ATXN7L1: variants seen among roughly 807,000 people sequenced by gnomAD.
The protein encoded by ATXN7L1 is ataxin 7 like 1.
In ATXN7L1, 15 loss-of-function variants were observed where a neutral mutation model predicts 70.8. The ratio of observed to expected loss-of-function variants is 0.21; its 90% CI spans 0.14 to 0.33. The LOEUF (loss-of-function observed/expected upper bound fraction) is 0.33, where lower values mean the gene tolerates loss of function less well. Ranked by LOEUF, ATXN7L1 falls within the 10% of genes least tolerant of loss-of-function variation. The pLI is 1.00. For missense variants in ATXN7L1, 975 were observed against 1,097.1 expected (o/e 0.89, Z 1.57); for synonymous variants, 440 against 445.1 (o/e 0.99, Z 0.14).
chr7:105,870,274 T>G (rs1050533632), intron 2 of ATXN7L1, among the ~76,000 whole-genome samples: 12 of 65,016 alleles, frequency 1.8e-4, no homozygotes, highest in Non-Finnish European at 3.5e-4. Flanking sequence ...AGAGGGAGAC[T>G]CCATTTCAAA....
At chr7:105,613,363 G>A (rs1214040440) in intron 10 of ATXN7L1, 8 of 406,008 alleles carry the variant, frequency 2.0e-5, no homozygotes, top group Non-Finnish European at 2.7e-5. Flanking sequence ...ACAATCACCC[G>A]GGAGCCGGGC....
At chr7:105,720,761 T>C in intron 3 of ATXN7L1, among the ~76,000 whole-genome samples, 1 of 152,126 alleles carries the variant, frequency 6.6e-6, no homozygotes, top group Non-Finnish European at 1.5e-5. Flanking sequence ...TGAGCCACTG[T>C]GCCTGGCTCC....
intron 3 of ATXN7L1, chr7:105,761,488 G>A (rs894493499): frequency 6.2e-7 from 1 of 1,613,436 alleles, no homozygotes; most frequent in Admixed American, 1.7e-5. Flanking sequence ...TGCTTTGTTG[G>A]CATTTGCTGA....
chr7:105,693,583 C>G (rs144574877), intron 3 of ATXN7L1, among the ~76,000 whole-genome samples: 1 of 33,146 alleles, frequency 3.0e-5, no homozygotes, highest in Non-Finnish European at 6.4e-5. Flanking sequence ...ATCCATCCAT[C>G]TAATTTGAAG....
chr7:105,743,579 TA>T (rs61241734), intron 3 of ATXN7L1, among the ~76,000 whole-genome samples: 37,625 of 152,074 alleles, frequency 0.25, 4,920 homozygotes, highest in East Asian at 0.32. Flanking sequence ...AGAAAGCAGA[TA>T]TGATCGCTTT....
At chr7:105,621,646 C>G (rs1470430839) in intron 8 of ATXN7L1, among the ~76,000 whole-genome samples, 1 of 152,188 alleles carries the variant, frequency 6.6e-6, no homozygotes, top group Non-Finnish European at 1.5e-5. Context: ...GACAGAAATG[C>G]AAGAAGCAGC....
intron 2 of ATXN7L1, among the ~76,000 whole-genome samples, chr7:105,859,259 T>C (rs1336300370): frequency 6.6e-6 from 1 of 152,170 alleles, no homozygotes; most frequent in Admixed American, 6.5e-5. Context: ...TACATATTTA[T>C]GTATGATGAG....
chr7:105,620,423 T>A, intron 8 of ATXN7L1, 102 bp from the exon 9 acceptor site: 1 of 1,276,394 alleles, frequency 7.8e-7, no homozygotes, highest in Non-Finnish European at 1.0e-6. Context: ...AAGGGCACAG[T>A]TTTACTCAAA....
At chr7:105,630,175 A>AT (rs1796380353) in intron 7 of ATXN7L1, among the ~76,000 whole-genome samples, 1 of 152,202 alleles carries the variant, frequency 6.6e-6, no homozygotes, top group Non-Finnish European at 1.5e-5. Context: ...GGTTGTTTCC[A>AT]TATCTTGGCC....
chr7:105,711,130 T>G (rs534251925), intron 3 of ATXN7L1, among the ~76,000 whole-genome samples: 18 of 152,122 alleles, frequency 1.2e-4, no homozygotes, highest in African/African-American at 4.3e-4. Flanking sequence ...AAGGTGAGAT[T>G]TGGGTGGGGA....
intron 3 of ATXN7L1, among the ~76,000 whole-genome samples, chr7:105,776,023 G>A (rs1470220786): frequency 3.3e-5 from 5 of 152,214 alleles, no homozygotes; most frequent in Admixed American, 2.6e-4. Flanking sequence ...CTGTTTGGGA[G>A]ATGCTTCTCT....
intron 3 of ATXN7L1, among the ~76,000 whole-genome samples, chr7:105,757,614 C>T (rs1799969838): frequency 8.5e-6 from 1 of 117,662 alleles, no homozygotes; most frequent in South Asian, 3.0e-4. Flanking sequence ...AGGTCTCACT[C>T]TGTCACCCAG....
chr7:105,712,400 C>T (rs1321724985), intron 3 of ATXN7L1, among the ~76,000 whole-genome samples: 1 of 152,218 alleles, frequency 6.6e-6, no homozygotes, highest in Non-Finnish European at 1.5e-5. Flanking sequence ...TACCACATGG[C>T]TGGCCTGCAA....
rs371680813 is a variant in ATXN7L1, at chr7:105,733,805, C to T, written c.355+54799G>A. On this transcript the variant is annotated intron_variant, in intron 3 of 11. Coordinates refer to ENST00000419735, the MANE Select transcript of ATXN7L1 (RefSeq NM_020725.2). ...ATCCATCCATCCTTCCATCCATCCA[C>T]CCAACCACCCATCCATCCACCCCTC... 2.4e-3 allele frequency among the ~76,000 whole-genome samples: 200 copies of T among 83,224 alleles called. 1 individual carries two copies. The highest frequency in any genetic ancestry group is 6.9e-3 in the Middle Eastern group (1 of 144). The allele number at this position is 83,224 out of a possible 152,430, so 54.6% of individuals were successfully genotyped here. A position where few individuals can be genotyped will look rare whatever the true frequency, so the allele number is the denominator to read the frequency against.
At chr7:105,720,371 T>TA (rs34307568) in intron 3 of ATXN7L1, among the ~76,000 whole-genome samples, 12 of 150,900 alleles carry the variant, frequency 8.0e-5, no homozygotes, top group Admixed American at 3.3e-4. Flanking sequence ...CCATCTCTAC[T>TA]AAAAAAAAAT....
intron 11 of ATXN7L1, among the ~76,000 whole-genome samples, chr7:105,608,146 C>T (rs765924602): frequency 3.9e-5 from 6 of 152,182 alleles, no homozygotes; most frequent in Non-Finnish European, 7.3e-5. Context: ...GGACGAATGC[C>T]GCGGACATTC....
chr7:105,649,387 T>G lies in ATXN7L1; in HGVS notation c.579-6266A>C, dbSNP rs573759772. ...GAACACCCTCCCTCATCCCCCTTGCTACGTGGGGGCGATATCTACCTCTGT... is the reference window on the plus strand; with the variant it reads ...GAACACCCTCCCTCATCCCCCTTGCGACGTGGGGGCGATATCTACCTCTGT... On this transcript the variant is annotated intron_variant, in intron 4 of 11. Transcript: ENST00000419735. 9 of 987,598 alleles carry G rather than the reference T, an allele frequency of 9.1e-6. No homozygotes were observed. In the African/African-American group the frequency reaches 1.6e-4, roughly 17 times the overall value. The allele number at this position is 987,598 out of a possible 1,614,324, so 61.2% of individuals were successfully genotyped here. A position where few individuals can be genotyped will look rare whatever the true frequency, so the allele number is the denominator to read the frequency against.
At chr7:105,689,198 T>C (rs564238837) in intron 3 of ATXN7L1, among the ~76,000 whole-genome samples, 16 of 152,288 alleles carry the variant, frequency 1.1e-4, no homozygotes, top group African/African-American at 3.8e-4. Flanking sequence ...AAATGCTCAC[T>C]GCTGCTAAGG....
intron 2 of ATXN7L1, among the ~76,000 whole-genome samples, chr7:105,849,464 C>T (rs2116626730): frequency 6.6e-6 from 1 of 152,356 alleles, no homozygotes; most frequent in African/African-American, 2.4e-5. Flanking sequence ...GGCTGGGCCC[C>T]CGCTAGAAGA....
Sources: allele counts gnomAD v4.1 joint callset (sites outside exome capture counted in the v4.1 genomes callset), GRCh38; gene constraint gnomAD v4.1.1; transcripts MANE v1.5; gene names NCBI Gene and HGNC (gene_info 2026-07-23, HGNC 2026-07-21).